Variants in PRDM10 observed in about 807,000 individuals in gnomAD.
PRDM10 encodes PR domain zinc finger protein 10.
A neutral mutation model predicts 133.1 loss-of-function variants in PRDM10; 65 were observed. The ratio of observed to expected loss-of-function variants is 0.49; its 90% CI spans 0.40 to 0.60. The LOEUF is 0.60. Ranked by LOEUF, PRDM10 falls within the 20% of genes least tolerant of loss-of-function variation. The pLI is 0.00. For missense variants in PRDM10, 1,137 were observed against 1,507.1 expected (o/e 0.75, Z 4.07); for synonymous variants, 582 against 580.4 (o/e 1.00, Z -0.04).
At position 129,915,969 on chromosome 11, in the gene PRDM10, C is replaced by G. The variant is rs1261591813; in HGVS notation, c.2326-109G>C. 3.9e-6 allele frequency: 4 copies of G among 1,028,390 alleles called. No homozygotes were observed. In the African/African-American group the frequency reaches 4.9e-5, roughly 13 times the overall value. 63.7% of individuals were successfully genotyped at this position (1,028,390 alleles called of 1,614,324 possible). ...AAATGAGGAAAAGTATTCATGTAGC[C>G]CCAAATAAAATATATTAATATGTAT... On this transcript the variant is annotated intron_variant, in intron 15 of 20. Transcript: ENST00000360871.
intron 19 of PRDM10, among the ~76,000 whole-genome samples, chr11:129,907,786 T>G (rs1281263714): frequency 6.6e-6 from 1 of 152,054 alleles, no homozygotes. Context: ...AATATATTTG[T>G]GGGTATTAAA....
rs769461166 is a variant in PRDM10, at chr11:129,917,243, G to C, written c.2215-6C>G. ...CTCTTCGATAAGTGATTTACCTAAA[G>C]GGAAAAGAAAGAACCAATGAGAAAA... is the stretch of plus-strand genomic sequence containing the variant. On this transcript the variant is annotated splice_polypyrimidine_tract_variant and splice_region_variant and intron_variant, in intron 14 of 20. Coordinates refer to ENST00000360871, the MANE Select transcript of PRDM10 (RefSeq NM_199437.2). The C allele has an allele frequency of 1.4e-4, 218 of 1,598,088 alleles. No individual in the cohort carries two copies. The highest frequency in any genetic ancestry group is 1.3e-3 in the Middle Eastern group (8 of 6,018).
At chr11:130,002,276 C>A (rs1384016431) in intron 1 of PRDM10, among the ~76,000 whole-genome samples, 1 of 151,116 alleles carries the variant, frequency 6.6e-6, no homozygotes, top group African/African-American at 2.4e-5. Flanking sequence ...CCAACGCGGG[C>A]AGGGGAGGAG....
intron 19 of PRDM10, among the ~76,000 whole-genome samples, chr11:129,907,336 A>G (rs958723206): frequency 1.3e-5 from 2 of 152,212 alleles, no homozygotes; most frequent in African/African-American, 2.4e-5. Context: ...GAGTGAACAC[A>G]TATTAAAAGA....
chr11:130,000,963 C>G lies in PRDM10; in HGVS notation c.-119+1759G>C, dbSNP rs1197632181. ...TTCTACAAAAAGTAGAAAAATTAGCCAGGCGTGGTGGTGCACGCCTGTAGT... is the reference window on the plus strand; with the variant it reads ...TTCTACAAAAAGTAGAAAAATTAGCGAGGCGTGGTGGTGCACGCCTGTAGT... On this transcript the variant is annotated intron_variant, in intron 1 of 20. Coordinates refer to ENST00000360871, the MANE Select transcript of PRDM10 (RefSeq NM_199437.2). Among the ~76,000 whole-genome samples the G allele has an allele frequency of 2.6e-5, 4 of 152,046 alleles. No homozygotes were observed. The East Asian group carries it at 5.8e-4, about 22-fold the overall frequency.
rs1231347678 is a variant in PRDM10 at position 129,937,640 on chromosome 11, C to T, written c.997G>A (p.Val333Met). The T allele has an allele frequency of 7.4e-6, 12 of 1,613,582 alleles. No individual in the cohort carries two copies. Among genetic ancestry groups the T allele is most frequent in the South Asian group, 3.3e-5 (3 of 91,024 alleles). The change falls in exon 8 of 21, where the codon GTG becomes ATG. Residue 333 changes from valine to methionine, a missense_variant. Physicochemically the swap from Val to Met is conservative, Grantham distance 21 (BLOSUM62 1). Coordinates refer to ENST00000360871, the MANE Select transcript of PRDM10 (RefSeq NM_199437.2). ...VWYAASYAEF[V>M]NQKIHDISEE... ...GAAATGTCATGAATTTTCTGGTTCA[C>T]GAACTCAGCATAGGATGCGGCATAC...
At chr11:129,914,218 TCTCGAA>T (rs1202769237) in intron 17 of PRDM10, among the ~76,000 whole-genome samples, 1 of 152,210 alleles carries the variant, frequency 6.6e-6, no homozygotes, top group African/African-American at 2.4e-5. Flanking sequence ...GCCAGGCTGG[TCTCGAA>T]CTCCTGACCT....
intron 1 of PRDM10, among the ~76,000 whole-genome samples, chr11:129,984,484 C>A (rs769537572): frequency 2.0e-5 from 3 of 152,186 alleles, no homozygotes; most frequent in Non-Finnish European, 4.4e-5. Context: ...TGCAGTCCAG[C>A]CCCACGGCCT....
At chr11:129,928,263 C>A (rs895587286) in intron 11 of PRDM10, among the ~76,000 whole-genome samples, 2 of 151,848 alleles carry the variant, frequency 1.3e-5, no homozygotes, top group African/African-American at 4.8e-5. Context: ...CATGCCACCA[C>A]GCCTGACTAA....
rs1026631736 is a variant in PRDM10 at position 129,931,028 on chromosome 11, G to A, written c.1518C>T (p.Ala506=). The A allele has an allele frequency of 6.2e-7, 1 of 1,610,956 alleles. No homozygotes were observed. Among genetic ancestry groups the A allele is most frequent in the African/African-American group, 1.3e-5 (1 of 74,796 alleles). Residue 506 remains alanine (A), a synonymous_variant, in exon 11 of 21, where the codon GCC becomes GCT. Transcript: ENST00000360871. ...TTTCCCCACTTACTCGGATGCGCTTGGCTCTGCGCATGTCGTCGGCTGTCA... is the reference window on the plus strand; with the variant it reads ...TTTCCCCACTTACTCGGATGCGCTTAGCTCTGCGCATGTCGTCGGCTGTCA... ...STLTADDMRR[A]KRIRNAALQH...
chr11:129,925,781 A>AAATGGATACCAGGTTTCTTTTGGGGGT (rs1181334117), intron 11 of PRDM10, among the ~76,000 whole-genome samples: 3 of 152,246 alleles, frequency 2.0e-5, no homozygotes, highest in East Asian at 3.8e-4. Flanking sequence ...ATGGAGAAGG[A>AAATGGATACCAGGTTTCTTTTGGGGGT]AATGGATACC....
intron 4 of PRDM10, among the ~76,000 whole-genome samples, chr11:129,952,233 C>G (rs570677927): frequency 1.7e-4 from 26 of 152,160 alleles, no homozygotes; most frequent in Middle Eastern, 6.9e-3. Flanking sequence ...GGCAACGAAG[C>G]CTTTAATTAA....
At chr11:129,926,494 A>G (rs1950682873) in intron 11 of PRDM10, among the ~76,000 whole-genome samples, 1 of 152,240 alleles carries the variant, frequency 6.6e-6, no homozygotes, top group South Asian at 2.1e-4. Context: ...GTGCGATCTT[A>G]ACTTCAAATT....
In PRDM10 at chr11:129,925,231, T is replaced by C; in HGVS notation, c.1531-2A>G. 6.2e-7 allele frequency: 1 copy of C among 1,600,660 alleles called. No individual in the cohort carries two copies. Among genetic ancestry groups the C allele is most frequent in the Non-Finnish European group, 8.5e-7 (1 of 1,173,980 alleles). ...AAACAGATGCTGAAGAGCTGCATTCTGAAAGACATACACAAATGTGATCAT... is the reference window on the plus strand; with the variant it reads ...AAACAGATGCTGAAGAGCTGCATTCCGAAAGACATACACAAATGTGATCAT... On this transcript the variant is annotated splice_acceptor_variant, in intron 11 of 20. Transcript: ENST00000360871. LOFTEE classifies it high-confidence loss of function.
At chr11:129,937,791 G>C in intron 7 of PRDM10, 121 bp from the exon 8 acceptor site, 1 of 791,374 alleles carries the variant, frequency 1.3e-6, no homozygotes, top group Admixed American at 3.1e-5. Flanking sequence ...ATTAACAATG[G>C]AAAAAAAGAT....
At chr11:129,961,663 A>G (rs994661589) in intron 1 of PRDM10, among the ~76,000 whole-genome samples, 1 of 149,742 alleles carries the variant, frequency 6.7e-6, no homozygotes, top group African/African-American at 2.4e-5. Context: ...GGAGTTTGAG[A>G]CCAGCCTGGT....
At chr11:129,903,629 C>T (rs1650817) in intron 20 of PRDM10, among the ~76,000 whole-genome samples, 11 of 152,038 alleles carry the variant, frequency 7.2e-5, no homozygotes, top group African/African-American at 2.4e-4. Flanking sequence ...TCAGCTACAG[C>T]ACAGAGGAAG....
intron 20 of PRDM10, among the ~76,000 whole-genome samples, chr11:129,903,339 T>TAATAAA (rs1555100917): frequency 1.2e-3 from 169 of 137,028 alleles, no homozygotes; most frequent in African/African-American, 4.5e-3. Context: ...ATAATAATAA[T>TAATAAA]AAATGGTTCC....
At chr11:129,910,361 G>A in intron 19 of PRDM10, 115 bp downstream of exon 19, 1 of 1,384,968 alleles carries the variant, frequency 7.2e-7, no homozygotes, top group Admixed American at 1.8e-5. Context: ...TTCATAGAGA[G>A]TGTAAACAAT....
Sources: allele counts gnomAD v4.1 joint callset (sites outside exome capture counted in the v4.1 genomes callset), GRCh38; gene constraint gnomAD v4.1.1; transcripts MANE v1.5; gene names NCBI Gene and HGNC (gene_info 2026-07-23, HGNC 2026-07-21).